Variants in NRG1 observed in about 807,000 individuals in gnomAD.
NRG1 encodes the protein neuregulin 1.
In NRG1, 18 loss-of-function variants were observed where a neutral mutation model predicts 63.8. The ratio of observed to expected loss-of-function variants is 0.28; its 90% CI spans 0.19 to 0.42. The LOEUF (loss-of-function observed/expected upper bound fraction) is 0.42, where lower values mean the gene tolerates loss of function less well. Ranked by LOEUF, NRG1 falls within the 10% of genes least tolerant of loss-of-function variation. The probability of loss-of-function intolerance (pLI) is 1.00; values close to 1 mark genes in which losing one functional copy is unlikely to be tolerated. For synonymous variants in NRG1, 302 were observed against 301.3 expected (o/e 1.00, Z -0.02); for missense variants, 762 against 814.7 (o/e 0.94, Z 0.79).
chr8:32,639,463 A>T (rs1851920597), intron 5 of NRG1, among the ~76,000 whole-genome samples: 1 of 152,168 alleles, frequency 6.6e-6, no homozygotes, highest in Non-Finnish European at 1.5e-5. Context: ...TAAAAGTAGA[A>T]TACTTCAGGT....
chr8:32,197,358 T>G (rs1235358829), intron 1 of NRG1, among the ~76,000 whole-genome samples: 1 of 152,170 alleles, frequency 6.6e-6, no homozygotes, highest in Non-Finnish European at 1.5e-5. Context: ...AGCCTTCTTT[T>G]TACCCTCACC....
At chr8:32,763,819 C>T (rs774023178) in exon 12 of NRG1, 14 of 1,607,978 alleles carry the variant, frequency 8.7e-6, no homozygotes, top group African/African-American at 2.7e-5. Flanking sequence ...TCCCCCAAAT[C>T]GCCCCCTTCG....
exon 1 of NRG1, chr8:32,548,429 CG>C: frequency 8.9e-7 from 1 of 1,127,550 alleles, no homozygotes; most frequent in Non-Finnish European, 1.1e-6. Context: ...GCGAGGGCGC[CG>C]GGCAGAGGCC....
At chr8:32,253,069 TG>T (rs1849299063) in intron 1 of NRG1, among the ~76,000 whole-genome samples, 1 of 152,212 alleles carries the variant, frequency 6.6e-6, no homozygotes, top group South Asian at 2.1e-4. Context: ...TTGCTGAAAT[TG>T]CTTATCATTT....
intron 1 of NRG1, among the ~76,000 whole-genome samples, chr8:31,873,540 C>CA (rs1409006065): frequency 6.6e-6 from 1 of 152,118 alleles, no homozygotes; most frequent in Non-Finnish European, 1.5e-5. Context: ...GTCTGGGTGA[C>CA]ACAGCGAGAC....
At chr8:32,145,498 C>T (rs993831100) in intron 1 of NRG1, among the ~76,000 whole-genome samples, 3 of 152,180 alleles carry the variant, frequency 2.0e-5, no homozygotes, top group Non-Finnish European at 4.4e-5. Context: ...TTCTGTGATG[C>T]CTGCTGGCCA....
intron 1 of NRG1, among the ~76,000 whole-genome samples, chr8:31,965,643 C>T (rs935827107): frequency 1.2e-4 from 18 of 152,182 alleles, no homozygotes; most frequent in South Asian, 4.1e-4. Flanking sequence ...GTTTTCTATA[C>T]GGGTTGAACC....
intron 9 of NRG1, among the ~76,000 whole-genome samples, chr8:32,758,940 A>G (rs971429629): frequency 5.3e-5 from 8 of 152,192 alleles, no homozygotes; most frequent in African/African-American, 1.9e-4. Context: ...TCACCTTGCA[A>G]TACCATGAAA....
chr8:31,722,089 C>T (rs764633832), intron 1 of NRG1, among the ~76,000 whole-genome samples: 3 of 152,100 alleles, frequency 2.0e-5, no homozygotes, highest in Non-Finnish European at 4.4e-5. Flanking sequence ...ACCGAGTTCT[C>T]AGGGCTTTCA....
At chr8:31,808,096 TC>T (rs1822474629) in intron 1 of NRG1, among the ~76,000 whole-genome samples, 1 of 152,206 alleles carries the variant, frequency 6.6e-6, no homozygotes, top group African/African-American at 2.4e-5. Flanking sequence ...GCTCTTTTCA[TC>T]TTTTAACTGG....
intron 1 of NRG1, among the ~76,000 whole-genome samples, chr8:31,825,904 C>T (rs1160076029): frequency 6.6e-6 from 1 of 152,198 alleles, no homozygotes; most frequent in Non-Finnish European, 1.5e-5. Context: ...GTGCTAGTTA[C>T]TTGAGCTACA....
At position 32,284,489 on chromosome 8, in the gene NRG1, G is replaced by GCCTGCCTGCCTGCCTGCCTTCCTTCCTT. The variant is rs1338557078; in HGVS notation, c.38-311336_38-311335insGCCTGCCTGCCTGCCTTCCTTCCTTCCT. On this transcript the variant is annotated intron_variant, in intron 1 of 10. Coordinates refer to the NRG1 transcript ENST00000519301. ...ATAATGCTTGCCTCCCTGCCTGCCT[G>GCCTGCCTGCCTGCCTGCCTTCCTTCCTT]CCTTCCTTCCTTCCTTCCTTCCTTC... 1.1e-4 allele frequency among the ~76,000 whole-genome samples: 14 copies of GCCTGCCTGCCTGCCTGCCTTCCTTCCTT among 132,610 alleles called. No homozygotes were observed. In the East Asian group the frequency reaches 1.1e-3, roughly 11 times the overall value. 87.0% of individuals were successfully genotyped at this position (132,610 alleles called of 152,430 possible).
intron 1 of NRG1, among the ~76,000 whole-genome samples, chr8:32,217,826 C>G (rs1181978374): frequency 6.6e-6 from 1 of 152,108 alleles, no homozygotes; most frequent in East Asian, 1.9e-4. Context: ...CAGTCCTGCC[C>G]CCATGAAGTT....
chr8:32,039,592 G>A (rs1323240181), intron 1 of NRG1, among the ~76,000 whole-genome samples: 1 of 152,128 alleles, frequency 6.6e-6, no homozygotes, highest in Non-Finnish European at 1.5e-5. Flanking sequence ...ACTGATGAAC[G>A]TTGTCAACAT....
intron 5 of NRG1, among the ~76,000 whole-genome samples, chr8:32,707,726 GA>G (rs1816779791): frequency 1.4e-4 from 3 of 20,812 alleles, no homozygotes; most frequent in Admixed American, 5.0e-4. Context: ...GGCATTTTGA[GA>G]TTTTTTTTTT....
intron 1 of NRG1, among the ~76,000 whole-genome samples, chr8:31,825,037 G>A (rs951735737): frequency 3.9e-5 from 6 of 152,140 alleles, no homozygotes; most frequent in African/African-American, 1.2e-4. Context: ...CGCCTCATTT[G>A]AAAATTAATA....
At chr8:32,387,998 A>G (rs1811233054) in intron 1 of NRG1, among the ~76,000 whole-genome samples, 1 of 152,196 alleles carries the variant, frequency 6.6e-6, no homozygotes, top group South Asian at 2.1e-4. Flanking sequence ...AAACAAAAAC[A>G]GACTTTCGGA....
rs1220777341 is a variant in NRG1, at chr8:32,625,776, T to C, written c.502+8891T>C. 3.3e-4 allele frequency among the ~76,000 whole-genome samples: 37 copies of C among 112,712 alleles called. No homozygotes were observed. The East Asian group carries it at 0.023, about 70-fold the overall frequency. 73.9% of individuals were successfully genotyped at this position (112,712 alleles called of 152,430 possible). ...AGATCACTGAAAACTTTCCCTCTCT[T>C]TTTTTTTTTTTCTTTTTTCTTTTTT... On this transcript the variant is annotated intron_variant, in intron 5 of 11. Transcript: ENST00000356819.
chr8:32,499,188 AT>A (rs772166433), intron 1 of NRG1, among the ~76,000 whole-genome samples: 4 of 152,180 alleles, frequency 2.6e-5, no homozygotes, highest in Non-Finnish European at 4.4e-5. Context: ...AACTTCAACA[AT>A]TGTATCTCAT....
Sources: gnomAD v4.1 joint callset for allele counts (sites outside exome capture counted in the v4.1 genomes callset) on GRCh38, gnomAD v4.1.1 for gene constraint, MANE v1.5 for transcripts, NCBI Gene and HGNC (gene_info 2026-07-23, HGNC 2026-07-21) for gene names.